ZNF423: variants seen among roughly 807,000 people sequenced by gnomAD.
The protein encoded by ZNF423 is zinc finger protein 423, also known as Ebf-associated zinc finger protein.
ZNF423 carries 12 observed loss-of-function variants against 95.8 expected under a neutral mutation model. The observed-to-expected ratio is 0.13, with a 90% CI of 0.08 to 0.20. The LOEUF (loss-of-function observed/expected upper bound fraction) is 0.20, where lower values mean the gene tolerates loss of function less well. Among genes scored for constraint, ZNF423 ranks in the 10% least tolerant of loss-of-function variants. The pLI is 1.00. For missense variants in ZNF423, 1,316 were observed against 1,737.1 expected (o/e 0.76, Z 4.31); for synonymous variants, 749 against 711.9 (o/e 1.05, Z -0.83).
Position 49,758,193 on chromosome 16 carries a change from C to T in ZNF423, c.101-27222G>A, listed in dbSNP as rs149233828. On this transcript the variant is annotated intron_variant, in intron 2 of 7. Transcript: ENST00000563137. ...TCGCTCTGTCACCGAGGCTGGAGTGCAGTGGCATGATCTTAGCTCACTACA... is the reference window on the plus strand; with the variant it reads ...TCGCTCTGTCACCGAGGCTGGAGTGTAGTGGCATGATCTTAGCTCACTACA... Among the ~76,000 whole-genome samples the T allele has an allele frequency of 6.4e-3, 979 of 152,340 alleles. 6 individuals carry two copies. The highest frequency in any genetic ancestry group is 0.012 in the Admixed American group (178 of 15,306).
chr16:49,783,788 G>T (rs1337866347), intron 2 of ZNF423, among the ~76,000 whole-genome samples: 2 of 151,934 alleles, frequency 1.3e-5, no homozygotes, highest in East Asian at 3.9e-4. Context: ...TGGCCAACAT[G>T]GTGAAACCCC....
chr16:49,747,630 C>T (rs1295607108), intron 2 of ZNF423, among the ~76,000 whole-genome samples: 1 of 147,742 alleles, frequency 6.8e-6, no homozygotes, highest in Admixed American at 6.8e-5. Context: ...TCGTTATTCT[C>T]TTCTGTTTAT....
At position 49,700,212 on chromosome 16, in the gene ZNF423, A is replaced by AGAAG. The variant is rs58879382; in HGVS notation, c.301+30558_301+30559insCTTC. Among the ~76,000 whole-genome samples the AGAAG allele has an allele frequency of 1.7e-3, 220 of 129,388 alleles. 1 individual carries two copies. Among genetic ancestry groups the AGAAG allele is most frequent in the Middle Eastern group, 7.9e-3 (2 of 254 alleles). The allele number at this position is 129,388 out of a possible 152,430, so 84.9% of individuals were successfully genotyped here. On this transcript the variant is annotated intron_variant, in intron 3 of 7. Transcript: ENST00000563137. ...CAGGATTTCAAAAAAAAAAAAAAAA[A>AGAAG]AAAAACAAGAAGAAGAAGAAGAAAA... is the stretch of plus-strand genomic sequence containing the variant.
At chr16:49,845,959 G>C (rs1331663502) in intron 1 of ZNF423, among the ~76,000 whole-genome samples, 2 of 152,110 alleles carry the variant, frequency 1.3e-5, no homozygotes, top group African/African-American at 4.8e-5. Context: ...GGAGGGACTG[G>C]GGATTTGAGC....
At chr16:49,518,222 G>T (rs1160079018) in intron 7 of ZNF423, 10 of 379,806 alleles carry the variant, frequency 2.6e-5, no homozygotes, top group Non-Finnish European at 4.6e-5. Context: ...CTTCTGCATA[G>T]GTCCCCCATT....
chr16:49,808,744 G>A (rs539044071), intron 1 of ZNF423, among the ~76,000 whole-genome samples: 13 of 152,296 alleles, frequency 8.5e-5, no homozygotes, highest in African/African-American at 3.1e-4. Context: ...CACCCCCCAG[G>A]GCCGTTAGCA....
intron 3 of ZNF423, among the ~76,000 whole-genome samples, chr16:49,712,586 C>T (rs1240374169): frequency 1.3e-5 from 2 of 152,228 alleles, no homozygotes; most frequent in Admixed American, 1.3e-4. Context: ...TCGCTAGGGA[C>T]CTCCTCAGAC....
chr16:49,600,398 C>T (rs562438073), intron 5 of ZNF423, among the ~76,000 whole-genome samples: 2 of 152,160 alleles, frequency 1.3e-5, no homozygotes, highest in Admixed American at 1.3e-4. Context: ...AGCAAGGACC[C>T]TCACTCGGGC....
At chr16:49,721,965 C>T (rs2032878935) in intron 3 of ZNF423, among the ~76,000 whole-genome samples, 1 of 152,164 alleles carries the variant, frequency 6.6e-6, no homozygotes, top group African/African-American at 2.4e-5. Context: ...ACAGCATTCG[C>T]TCTATGTAAT....
intron 3 of ZNF423, among the ~76,000 whole-genome samples, chr16:49,670,432 G>A (rs2030755249): frequency 6.6e-6 from 1 of 152,236 alleles, no homozygotes; most frequent in Non-Finnish European, 1.5e-5. Context: ...CCCCCTCATG[G>A]CTGTGGCCCT....
intron 3 of ZNF423, among the ~76,000 whole-genome samples, chr16:49,724,265 T>A (rs2032946223): frequency 1.3e-5 from 2 of 152,214 alleles, no homozygotes; most frequent in South Asian, 4.1e-4. Flanking sequence ...ATTTTGTGGC[T>A]GACATAACGG....
intron 3 of ZNF423, among the ~76,000 whole-genome samples, chr16:49,647,169 G>A (rs113391490): frequency 1.3e-5 from 2 of 152,274 alleles, no homozygotes; most frequent in African/African-American, 4.8e-5. Flanking sequence ...ACAGTACCAG[G>A]CCCCGTGACT....
intron 3 of ZNF423, among the ~76,000 whole-genome samples, chr16:49,648,002 G>A (rs996166016): frequency 6.6e-6 from 1 of 152,156 alleles, no homozygotes; most frequent in South Asian, 2.1e-4. Flanking sequence ...ACCTTGAACA[G>A]ATTAATGGAA....
At chr16:49,752,007 G>A (rs1485511433) in intron 2 of ZNF423, among the ~76,000 whole-genome samples, 5 of 152,150 alleles carry the variant, frequency 3.3e-5, no homozygotes, top group Non-Finnish European at 7.3e-5. Flanking sequence ...AGCAAATGCA[G>A]AGCAGCAGCT....
At chr16:49,503,151 T>C (rs1425472504) in intron 7 of ZNF423, among the ~76,000 whole-genome samples, 1 of 151,940 alleles carries the variant, frequency 6.6e-6, no homozygotes, top group Non-Finnish European at 1.5e-5. Context: ...ACTTTGGCCT[T>C]CTGTCTACCC....
intron 5 of ZNF423, among the ~76,000 whole-genome samples, chr16:49,561,840 G>C (rs1475477224): frequency 6.6e-6 from 1 of 152,172 alleles, no homozygotes; most frequent in Non-Finnish European, 1.5e-5. Flanking sequence ...CTCCTAATTT[G>C]AAGACGCCAG....
chr16:49,575,221 T>A (rs751509788), intron 5 of ZNF423, among the ~76,000 whole-genome samples: 7 of 152,186 alleles, frequency 4.6e-5, no homozygotes, highest in Non-Finnish European at 8.8e-5. Flanking sequence ...ACCAGGGGTT[T>A]CACTTGCTTT....
At chr16:49,503,818 T>C (rs1226962864) in intron 7 of ZNF423, among the ~76,000 whole-genome samples, 1 of 152,272 alleles carries the variant, frequency 6.6e-6, no homozygotes, top group Non-Finnish European at 1.5e-5. Context: ...ATTTCTGAAA[T>C]GACAGCCTGC....
chr16:49,809,665 G>A (rs2034720873), intron 1 of ZNF423, among the ~76,000 whole-genome samples: 1 of 152,204 alleles, frequency 6.6e-6, no homozygotes, highest in Non-Finnish European at 1.5e-5. Flanking sequence ...ACCACATGCT[G>A]GCTCCCAGAG....
Sources: allele counts gnomAD v4.1 joint callset (sites outside exome capture counted in the v4.1 genomes callset), GRCh38; gene constraint gnomAD v4.1.1; transcripts MANE v1.5; gene names NCBI Gene and HGNC (gene_info 2026-07-23, HGNC 2026-07-21).